A2ML1: variants seen among roughly 807,000 people sequenced by gnomAD.
The protein encoded by A2ML1 is alpha-2-macroglobulin like 1.
Under a neutral mutation model 181.9 loss-of-function variants are expected in A2ML1, and 161 were observed. The observed-to-expected ratio is 0.89, with a 90% CI of 0.78 to 1.01. The LOEUF (loss-of-function observed/expected upper bound fraction) is 1.01. Ranked by LOEUF, A2ML1 falls within the 50% of genes least tolerant of loss-of-function variation. A2ML1 has a pLI of 0.00. For synonymous variants in A2ML1, 663 were observed against 666.8 expected (o/e 0.99, Z 0.09); for missense variants, 1,670 against 1,768.1 (o/e 0.94, Z 1.00).
intron 29 of A2ML1, 95 bp downstream of exon 29, chr12:8,864,103 G>C: frequency 8.8e-7 from 1 of 1,142,316 alleles, no homozygotes; most frequent in Non-Finnish European, 1.2e-6. Flanking sequence ...TCTCGGTCCA[G>C]GGGCTTAGAG....
At chr12:8,839,787 G>A (rs933092701) in intron 10 of A2ML1, among the ~76,000 whole-genome samples, 1 of 151,996 alleles carries the variant, frequency 6.6e-6, no homozygotes, top group Non-Finnish European at 1.5e-5. Context: ...CGCTCTTGTT[G>A]CCCAGCCTGA....
intron 5 of A2ML1, among the ~76,000 whole-genome samples, chr12:8,835,150 A>C (rs944955878): frequency 6.6e-6 from 1 of 152,228 alleles, no homozygotes; most frequent in Non-Finnish European, 1.5e-5. Context: ...CTTACAATCA[A>C]TCTCCTCAGC....
downstream of A2ML1, among the ~76,000 whole-genome samples, chr12:8,881,258 G>C (rs1944867454): frequency 6.6e-6 from 1 of 152,168 alleles, no homozygotes; most frequent in Non-Finnish European, 1.5e-5. Context: ...GGGAAGAAGT[G>C]AAAATAAGAG....
intron 7 of A2ML1, among the ~76,000 whole-genome samples, chr12:8,882,856 A>G (rs755961285): frequency 6.6e-6 from 1 of 152,132 alleles, no homozygotes; most frequent in African/African-American, 2.4e-5. Flanking sequence ...AAAACCCTTC[A>G]GGGGCTGTTA....
intron 7 of A2ML1, among the ~76,000 whole-genome samples, chr12:8,883,202 G>A (rs1175561686): frequency 1.3e-5 from 2 of 152,032 alleles, no homozygotes; most frequent in Non-Finnish European, 2.9e-5. Context: ...CTGGGTTCCT[G>A]TTTTCTGTTG....
intron 3 of A2ML1, among the ~76,000 whole-genome samples, chr12:8,829,022 T>C (rs1943022339): frequency 6.6e-6 from 1 of 152,216 alleles, no homozygotes; most frequent in Non-Finnish European, 1.5e-5. Flanking sequence ...TGCTGGGGGA[T>C]GGCGGGGAGG....
chr12:8,838,480 A>T, intron 9 of A2ML1, 30 bp downstream of exon 9: 1 of 1,571,720 alleles, frequency 6.4e-7, no homozygotes, highest in Middle Eastern at 1.7e-4. Flanking sequence ...GCTCATTAAG[A>T]AAAGAGAAAG....
chr12:8,834,790 C>T, intron 5 of A2ML1, 108 bp downstream of exon 5: 2 of 1,401,548 alleles, frequency 1.4e-6, no homozygotes, highest in East Asian at 2.3e-5. Flanking sequence ...GGCCCAGAGC[C>T]CCATGACTCT....
intron 4 of A2ML1, 78 bp from the exon 5 acceptor site, chr12:8,834,584 T>A: frequency 6.5e-7 from 1 of 1,542,294 alleles, no homozygotes; most frequent in Middle Eastern, 1.7e-4. Context: ...GAATTCTTTG[T>A]GAACTTTTGC....
At position 8,846,237 on chromosome 12, in the gene A2ML1, G is replaced by T; in HGVS notation, c.1683+15G>T. 2 of 1,613,500 alleles carry T rather than the reference G, an allele frequency of 1.2e-6. No homozygotes were observed. Among genetic ancestry groups the T allele is most frequent in the Non-Finnish European group, 1.7e-6 (2 of 1,179,462 alleles). ...TTGACAATCAGGTAAAATGATAGCG[G>T]AGAAGGGTGAAGATAAAAGTTGGGC... On this transcript the variant is annotated intron_variant, in intron 14 of 35. Transcript: ENST00000299698.
chr12:8,826,693 A>G (rs1031073644), intron 3 of A2ML1, among the ~76,000 whole-genome samples: 1 of 152,136 alleles, frequency 6.6e-6, no homozygotes, highest in African/African-American at 2.4e-5. Flanking sequence ...ATGGTTGCTC[A>G]TTGCAGCCTC....
chr12:8,847,600 C>T lies in A2ML1; in HGVS notation c.1735C>T (p.Leu579=), dbSNP rs1943736578. 11 of 1,613,610 alleles carry T rather than the reference C, an allele frequency of 6.8e-6. No homozygotes were observed. In the East Asian group the frequency reaches 1.1e-4, roughly 16 times the overall value. The part of the protein sequence containing the change: ...SQQLPGAEVE[L]QLQAAPGSLC... ...GCAGCTTCCAGGAGCAGAAGTGGAG[C>T]TGCAGCTGCAGGCAGCTCCCGGATC... The change falls in exon 15 of 36, where the codon CTG becomes TTG. Residue 579 remains leucine, a synonymous_variant. Transcript: ENST00000299698.
chr12:8,868,545 G>C lies in A2ML1; in HGVS notation c.4070G>C (p.Gly1357Ala). The change falls in exon 32 of 36, where the codon GGG becomes GCG. Residue 1357 changes from glycine (G) to alanine (A), a missense_variant. By Grantham distance (60) the Gly-to-Ala change is moderately conservative (BLOSUM62 0). Coordinates refer to ENST00000299698, the MANE Select transcript of A2ML1 (RefSeq NM_144670.6). ...CTTCTTCCTGCTCTCAGTTATGTGG[G>C]GAGCCGTAGCTCTTCCAATATGGCT... ...LTLTIHTSYV[G>A]SRSSSNMAIV... The C allele has an allele frequency of 6.2e-7, 1 of 1,613,888 alleles. No homozygotes were observed. The highest frequency in any genetic ancestry group is 8.5e-7 in the Non-Finnish European group (1 of 1,179,980).
chr12:8,822,752 G>T, intron 1 of A2ML1, 39 bp downstream of exon 1: 1 of 1,596,084 alleles, frequency 6.3e-7, no homozygotes, highest in Non-Finnish European at 8.6e-7. Context: ...TTAGGGCAGC[G>T]GCTTCTTCGC....
chr12:8,880,793 C>T (rs1944863453), downstream of A2ML1, among the ~76,000 whole-genome samples: 1 of 152,152 alleles, frequency 6.6e-6, no homozygotes, highest in South Asian at 2.1e-4. Flanking sequence ...TAATTAATAA[C>T]ATCTCAGAGA....
intron 15 of A2ML1, among the ~76,000 whole-genome samples, chr12:8,848,138 A>C (rs1943763675): frequency 1.3e-5 from 2 of 151,248 alleles, no homozygotes; most frequent in African/African-American, 2.4e-5. Context: ...CAAAAACAAA[A>C]AAAAAAAAAC....
intron 28 of A2ML1, among the ~76,000 whole-genome samples, chr12:8,862,444 C>T (rs6487423): frequency 0.94 from 142,732 of 152,172 alleles, 67,612 homozygotes; most frequent in East Asian, 1. Flanking sequence ...TCAAGTGATC[C>T]GCCCCTCTTG....
rs772497821 is a variant in A2ML1, at chr12:8,849,757, G to A, written c.2117G>A (p.Gly706Asp). The change falls in exon 17 of 36, where the codon GGT becomes GAT. Residue 706 changes from glycine (G) to aspartate (D), a missense_variant and splice_region_variant. Physicochemically the swap from Gly to Asp is moderately conservative, Grantham distance 94. Transcript: ENST00000299698. ...HRSPEYSTAM[G>D]AGGGHPEAFE... Reference sequence around the variant, plus strand: ...TCTCCAGAATACAGCACTGCTATGGGTGGTAAGCCACCTCTGTGGTCTGTG... The same window carrying A: ...TCTCCAGAATACAGCACTGCTATGGATGGTAAGCCACCTCTGTGGTCTGTG... 10 of 1,613,902 alleles carry A rather than the reference G, an allele frequency of 6.2e-6. No individual in the cohort carries two copies. The Admixed American group carries it at 8.3e-5, about 13-fold the overall frequency.
intron 4 of A2ML1, 54 bp downstream of exon 4, chr12:8,829,833 G>C (rs1445281867): frequency 1.2e-6 from 2 of 1,608,738 alleles, no homozygotes; most frequent in Middle Eastern, 1.6e-4. Context: ...AAAAGGATGA[G>C]AGATTCTCTA....
Sources: gnomAD v4.1 joint callset for allele counts (sites outside exome capture counted in the v4.1 genomes callset) on GRCh38, gnomAD v4.1.1 for gene constraint, MANE v1.5 for transcripts, NCBI Gene and HGNC (gene_info 2026-07-23, HGNC 2026-07-21) for gene names.